FAIM2: variants seen among roughly 807,000 people sequenced by gnomAD.
FAIM2 encodes the protein Fas apoptotic inhibitory molecule 2, also known as protein lifeguard 2.
Under a neutral mutation model 47.4 loss-of-function variants are expected in FAIM2, and 27 were observed. The observed-to-expected ratio is 0.57, with a 90% CI of 0.42 to 0.78. The LOEUF (loss-of-function observed/expected upper bound fraction) is 0.78. FAIM2 is among the 30% of genes least tolerant of loss of function. FAIM2 has a pLI of 0.00. For synonymous variants in FAIM2, 156 were observed against 159.3 expected (o/e 0.98, Z 0.16); for missense variants, 311 against 389.4 (o/e 0.80, Z 1.69).
chr12:49,883,202 G>A (rs909162228), intron 11 of FAIM2, among the ~76,000 whole-genome samples: 5 of 152,136 alleles, frequency 3.3e-5, no homozygotes, highest in East Asian at 3.9e-4. Flanking sequence ...ACGGAGGAAC[G>A]AGGGGACCTA....
Position 49,889,487 on chromosome 12 carries a change from C to A in FAIM2, c.645G>T (p.Gln215His). ...TGCAGGCCCCAGAGCTGACCTTGGT[C>A]TGGAAGCTGAAGACGGTGACTGAGA... is the stretch of plus-strand genomic sequence containing the variant. ...VCLSVTVFSF[Q>H]TKFDFTSCQG... The change falls in exon 9 of 12, where the codon CAG becomes CAT. Residue 215 changes from glutamine (Q) to histidine (H), a missense_variant. Gln to His is a conservative substitution (Grantham distance 24). Transcript: ENST00000320634. 1.2e-6 allele frequency: 2 copies of A among 1,613,982 alleles called. No individual in the cohort carries two copies. Among genetic ancestry groups the A allele is most frequent in the South Asian group, 2.2e-5 (2 of 91,048 alleles).
At position 49,879,060 on chromosome 12, in the gene FAIM2, G is replaced by A. The variant is rs1218059657; in HGVS notation, c.801+8326C>T. ...TGTGCATGAGTTTGTGTATGTGCAT[G>A]TATGTATATGTGCATGTGTATGTGT... On this transcript the variant is annotated intron_variant, in intron 11 of 11. Transcript: ENST00000320634. Among the ~76,000 whole-genome samples the A allele has an allele frequency of 1.5e-5, 2 of 134,270 alleles. 1 individual carries two copies. The highest frequency in any genetic ancestry group is 3.1e-5 in the Non-Finnish European group (2 of 64,416). 88.1% of individuals were successfully genotyped at this position (134,270 alleles called of 152,430 possible).
At chr12:49,903,438 GGCACACACATACCCAT>G (rs1050090202) in intron 1 of FAIM2, among the ~76,000 whole-genome samples, 1 of 152,216 alleles carries the variant, frequency 6.6e-6, no homozygotes, top group African/African-American at 2.4e-5. Context: ...GGCTCACCCT[GGCACACACATACCCAT>G]GCACACACAT....
Position 49,871,277 on chromosome 12 carries a change from C to A in FAIM2, c.802-624G>T, listed in dbSNP as rs562121925. ...GAAAGTGGCAAAGCCAAGATTTCAACCTGAGCAGGCCGGCTTCGGAGCCCC... is the reference window on the plus strand; with the variant it reads ...GAAAGTGGCAAAGCCAAGATTTCAAACTGAGCAGGCCGGCTTCGGAGCCCC... On this transcript the variant is annotated intron_variant, in intron 11 of 11. Transcript: ENST00000320634. Among the ~76,000 whole-genome samples, 112 of 152,354 alleles carry A rather than the reference C, an allele frequency of 7.4e-4. No individual in the cohort carries two copies. In the South Asian group the frequency reaches 0.015, roughly 20 times the overall value.
chr12:49,890,187 A>C (rs752948415), intron 7 of FAIM2, 33 bp from the exon 8 acceptor site: 14 of 1,612,584 alleles, frequency 8.7e-6, no homozygotes, highest in African/African-American at 1.3e-5. Flanking sequence ...GGAATGTTCC[A>C]AACTCAGACG....
In FAIM2 at chr12:49,887,439, C is replaced by T. The variant is rs747084335; in HGVS notation, c.748G>A (p.Val250Met). 1 of 1,610,890 alleles carries T rather than the reference C, an allele frequency of 6.2e-7. No individual in the cohort carries two copies. Among genetic ancestry groups the T allele is most frequent in the Admixed American group, 1.7e-5 (1 of 59,680 alleles). The stretch of plus-strand genomic sequence containing the variant: ...GCATAAACTGCATGGAGCCAGGGCA[C>T]CTGCGGCAGAGGAAAAATGGGCTTA... Reference protein sequence around the residue: ...ILAILLPFQYVPWLHAVYAAL... With the variant: ...ILAILLPFQYMPWLHAVYAAL... The change falls in exon 11 of 12, where the codon GTG becomes ATG. Residue 250 changes from valine to methionine, a missense_variant and splice_region_variant. Transcript: ENST00000320634.
At chr12:49,899,478 C>A (rs766705158) in intron 2 of FAIM2, among the ~76,000 whole-genome samples, 7 of 152,190 alleles carry the variant, frequency 4.6e-5, no homozygotes, top group Non-Finnish European at 8.8e-5. Context: ...ACCCTCCAGC[C>A]CCGCTATACA....
chr12:49,894,440 G>A (rs749432895), intron 5 of FAIM2, among the ~76,000 whole-genome samples: 1 of 152,204 alleles, frequency 6.6e-6, no homozygotes, highest in Non-Finnish European at 1.5e-5. Flanking sequence ...CCAATGGAGG[G>A]AGGCGATGAG....
At chr12:49,876,465 C>T (rs1225260569) in intron 11 of FAIM2, among the ~76,000 whole-genome samples, 2 of 152,082 alleles carry the variant, frequency 1.3e-5, no homozygotes, top group African/African-American at 4.8e-5. Context: ...TATCATTTAC[C>T]ATAAGAGTAA....
intron 8 of FAIM2, among the ~76,000 whole-genome samples, 153 bp downstream of exon 8, chr12:49,889,964 C>T (rs763203055): frequency 1.3e-5 from 2 of 152,060 alleles, no homozygotes; most frequent in South Asian, 2.1e-4. Context: ...AGTGCTCAAG[C>T]AGAGGACCCT....
Position 49,887,510 on chromosome 12 carries a change from T to A in FAIM2, c.748-71A>T. On this transcript the variant is annotated intron_variant, in intron 10 of 11. Coordinates refer to ENST00000320634, the MANE Select transcript of FAIM2 (RefSeq NM_012306.4). The stretch of plus-strand genomic sequence containing the variant: ...CAGTCAGAGGGGCAGGGAGGAGGGT[T>A]CAGTCCAGAGAATGGAGGACACGGG... The A allele has an allele frequency of 2.2e-6, 3 of 1,354,094 alleles. No individual in the cohort carries two copies. In the South Asian group the frequency reaches 3.7e-5, roughly 17 times the overall value. 83.9% of individuals were successfully genotyped at this position (1,354,094 alleles called of 1,614,324 possible).
chr12:49,890,049 G>C, intron 8 of FAIM2, 68 bp downstream of exon 8: 1 of 1,498,570 alleles, frequency 6.7e-7, no homozygotes, highest in Non-Finnish European at 9.3e-7. Context: ...AGCTCCCCTC[G>C]GGTGTGGCTG....
intron 10 of FAIM2, among the ~76,000 whole-genome samples, chr12:49,887,733 G>A (rs1946871886): frequency 6.6e-6 from 1 of 150,964 alleles, no homozygotes; most frequent in Admixed American, 6.6e-5. Context: ...ACTCTCGGTG[G>A]GCCCTGTCCT....
At chr12:49,879,547 T>C (rs1428651766) in intron 11 of FAIM2, among the ~76,000 whole-genome samples, 29 of 151,770 alleles carry the variant, frequency 1.9e-4, no homozygotes, top group Admixed American at 1.9e-3. Flanking sequence ...TGTGAGTGTA[T>C]GGGTGTATGT....
Position 49,874,790 on chromosome 12 carries a change from G to A in FAIM2, c.802-4137C>T, listed in dbSNP as rs866375366. Among the ~76,000 whole-genome samples the A allele has an allele frequency of 3.0e-4, 45 of 152,262 alleles. No individual in the cohort carries two copies. Among genetic ancestry groups the A allele is most frequent in the Admixed American group, 8.5e-4 (13 of 15,298 alleles). On this transcript the variant is annotated intron_variant, in intron 11 of 11. Coordinates refer to ENST00000320634, the MANE Select transcript of FAIM2 (RefSeq NM_012306.4). The surrounding 1 kb of genome is among the most constrained non-coding windows in gnomAD (Gnocchi z 4.2). ...GAGGGCGTGTGGAGGCAACCCCCAG[G>A]CTGTTGTTTACAGCATTGGTTCTAA...
intron 7 of FAIM2, among the ~76,000 whole-genome samples, chr12:49,890,371 G>A (rs1946891805): frequency 1.3e-5 from 2 of 152,050 alleles, no homozygotes; most frequent in African/African-American, 4.8e-5. Context: ...CCTTTCTTCT[G>A]CGGCCCTGCT....
At chr12:49,898,680 T>C (rs1029944431) in intron 2 of FAIM2, among the ~76,000 whole-genome samples, 1 of 152,072 alleles carries the variant, frequency 6.6e-6, no homozygotes, top group African/African-American at 2.4e-5. Flanking sequence ...GTGCACACCA[T>C]CACGCCTGGC....
chr12:49,880,254 GTA>G (rs985905922), intron 11 of FAIM2, among the ~76,000 whole-genome samples: 93 of 151,840 alleles, frequency 6.1e-4, no homozygotes, highest in Admixed American at 1.5e-3. Flanking sequence ...ATGTTCATGT[GTA>G]TATGTGCGTA....
In FAIM2 at chr12:49,878,800, ATG is replaced by A. The variant is rs1555158031; in HGVS notation, c.802-8149_802-8148del. 1.7e-3 allele frequency among the ~76,000 whole-genome samples: 135 copies of A among 78,348 alleles called. 3 individuals carry two copies. Among genetic ancestry groups the A allele is most frequent in the African/African-American group, 3.0e-3 (36 of 12,044 alleles). 51.4% of individuals were successfully genotyped at this position (78,348 alleles called of 152,430 possible). ...TGAGTGTATGTGTGCCTGTGTGTAT[ATG>A]TGTGCATGTGAATGTGTGTATATGT... On this transcript the variant is annotated intron_variant, in intron 11 of 11. Coordinates refer to ENST00000320634, the MANE Select transcript of FAIM2 (RefSeq NM_012306.4).
Sources: allele counts gnomAD v4.1 joint callset (sites outside exome capture counted in the v4.1 genomes callset), GRCh38; gene constraint gnomAD v4.1.1; non-coding constraint Gnocchi (gnomAD v3.1); transcripts MANE v1.5; gene names NCBI Gene and HGNC (gene_info 2026-07-23, HGNC 2026-07-21).